Variants in ARHGEF28 observed in about 807,000 individuals in gnomAD.
ARHGEF28 encodes the protein Rho guanine nucleotide exchange factor 28.
A neutral mutation model predicts 206.6 loss-of-function variants in ARHGEF28; 152 were observed. The observed-to-expected ratio is 0.74, with a 90% CI of 0.64 to 0.84. The LOEUF is 0.84. Among genes scored for constraint, ARHGEF28 ranks in the 40% least tolerant of loss-of-function variants. The probability of loss-of-function intolerance (pLI) is 0.00; values close to 1 mark genes in which losing one functional copy is unlikely to be tolerated. For synonymous variants in ARHGEF28, 763 were observed against 776.4 expected, an observed-to-expected ratio of 0.98 and a Z score of 0.29; for missense variants, 2,028 against 2,073.2, an observed-to-expected ratio of 0.98 and a Z score of 0.42.
At chr5:73,708,746 A>G (rs1749081322) in intron 2 of ARHGEF28, among the ~76,000 whole-genome samples, 1 of 152,208 alleles carries the variant, frequency 6.6e-6, no homozygotes, top group South Asian at 2.1e-4. Context: ...TTGCTGGGTC[A>G]AATGGTAGTT....
chr5:73,888,225 T>C (rs1040502740), intron 26 of ARHGEF28, among the ~76,000 whole-genome samples: 1 of 152,238 alleles, frequency 6.6e-6, no homozygotes, highest in Non-Finnish European at 1.5e-5. Context: ...ATGCCTAATG[T>C]TGACAGAAGA....
At chr5:73,795,518 C>T (rs2112487729) in intron 9 of ARHGEF28, 127 bp downstream of exon 9, 1 of 784,716 alleles carries the variant, frequency 1.3e-6, no homozygotes, top group Non-Finnish European at 2.1e-6. Context: ...TCCTGAAACG[C>T]ATCCAGATAA....
At chr5:73,767,272 TG>T (rs1752946987) in intron 4 of ARHGEF28, among the ~76,000 whole-genome samples, 1 of 152,146 alleles carries the variant, frequency 6.6e-6, no homozygotes, top group Admixed American at 6.5e-5. Flanking sequence ...GGGGTGCTGC[TG>T]AACAGATACC....
chr5:73,703,369 A>T (rs1748712710), intron 2 of ARHGEF28, among the ~76,000 whole-genome samples: 1 of 152,086 alleles, frequency 6.6e-6, no homozygotes, highest in South Asian at 2.1e-4. Context: ...GGTATGAAAA[A>T]GTAGGGTAGA....
chr5:73,667,932 A>G (rs993530238), intron 1 of ARHGEF28, among the ~76,000 whole-genome samples: 3 of 152,224 alleles, frequency 2.0e-5, no homozygotes, highest in Admixed American at 6.5e-5. Context: ...AACAAGGATG[A>G]CATTTACTCC....
At chr5:73,910,747 A>G (rs1172129790) in intron 34 of ARHGEF28, among the ~76,000 whole-genome samples, 1 of 152,184 alleles carries the variant, frequency 6.6e-6, no homozygotes, top group Non-Finnish European at 1.5e-5. Flanking sequence ...TTCACTAATA[A>G]GAGTTATTTA....
chr5:73,882,500 A>G lies in ARHGEF28; in HGVS notation c.2843A>G (p.Lys948Arg), dbSNP rs1358429798. Reference sequence around the variant, plus strand: ...TCAGAAGAAAATGCAAGTAAAATGAAGAAAATATATGGAGAATTCTGTTGC... The same window carrying G: ...TCAGAAGAAAATGCAAGTAAAATGAGGAAAATATATGGAGAATTCTGTTGC... ...QFSEENASKM[K>R]KIYGEFCCHH... The change falls in exon 23 of 36, where the codon AAG (lysine) becomes AGG (arginine). Residue 948 changes from lysine (K) to arginine (R), a missense_variant. Lys to Arg is a conservative substitution (Grantham distance 26). Around this residue, in one of 3 missense-constraint regions of ARHGEF28, gnomAD observed 223 missense variants for 289.9 expected, o/e 0.77. Coordinates refer to ENST00000513042, the MANE Select transcript of ARHGEF28 (RefSeq NM_001177693.2). The G allele has an allele frequency of 1.4e-6, 2 of 1,466,642 alleles. No individual in the cohort carries two copies. The highest frequency in any genetic ancestry group is 1.4e-5 in the African/African-American group (1 of 69,636). The allele number at this position is 1,466,642 out of a possible 1,614,324, so 90.9% of individuals were successfully genotyped here.
chr5:73,839,864 G>C (rs1757878317), intron 10 of ARHGEF28, among the ~76,000 whole-genome samples: 1 of 152,130 alleles, frequency 6.6e-6, no homozygotes, highest in African/African-American at 2.4e-5. Context: ...GTGAGACTCA[G>C]CTTTATGTGA....
At chr5:73,865,843 C>T in intron 17 of ARHGEF28, 122 bp from the exon 18 acceptor site, 1 of 771,948 alleles carries the variant, frequency 1.3e-6, no homozygotes, top group Non-Finnish European at 2.1e-6. Context: ...TTGAATTCCT[C>T]TTGGAAATAA....
chr5:73,935,982 G>T (rs1298744568), intron 35 of ARHGEF28, among the ~76,000 whole-genome samples: 1 of 152,166 alleles, frequency 6.6e-6, no homozygotes, highest in African/African-American at 2.4e-5. Flanking sequence ...TGGCCATGGG[G>T]TGCACTGGTG....
chr5:73,868,272 T>A, intron 20 of ARHGEF28, 45 bp downstream of exon 20: 1 of 1,520,326 alleles, frequency 6.6e-7, no homozygotes, highest in South Asian at 1.3e-5. Flanking sequence ...TTTGTTAGCA[T>A]TTGCCAAAAT....
chr5:73,787,686 T>C (rs1360729004), intron 7 of ARHGEF28, among the ~76,000 whole-genome samples: 1 of 152,184 alleles, frequency 6.6e-6, no homozygotes. Context: ...GCTTCATCCA[T>C]GTCCCTGCAA....
chr5:73,783,345 AGTGTGTGTGT>A (rs57320048), intron 7 of ARHGEF28, among the ~76,000 whole-genome samples: 27 of 145,914 alleles, frequency 1.9e-4, no homozygotes, highest in East Asian at 4.1e-4. Context: ...CCTGGAATAT[AGTGTGTGTGT>A]GTGTGTGTGT....
intron 2 of ARHGEF28, 94 bp downstream of exon 2, chr5:73,684,978 T>C: frequency 7.3e-7 from 1 of 1,361,612 alleles, no homozygotes; most frequent in Non-Finnish European, 1.0e-6. Context: ...TTCTTGCTAT[T>C]GAGTTAAGGC....
chr5:73,790,203 T>A (rs1057058369), intron 7 of ARHGEF28, among the ~76,000 whole-genome samples: 4 of 152,036 alleles, frequency 2.6e-5, no homozygotes, highest in African/African-American at 9.7e-5. Context: ...ATAGAAGCCT[T>A]TTTTGGAGAG....
At chr5:73,635,020 T>C (rs1025252008) in intron 1 of ARHGEF28, among the ~76,000 whole-genome samples, 9 of 152,140 alleles carry the variant, frequency 5.9e-5, no homozygotes, top group African/African-American at 2.2e-4. Flanking sequence ...TGTTTGTTCT[T>C]GCAAAGGGCC....
At chr5:73,905,130 C>CCTCCTGTGAGAT in intron 33 of ARHGEF28, 2 of 152,446 alleles carry the variant, frequency 1.3e-5, no homozygotes, top group East Asian at 3.9e-4. Context: ...CTGAACTCCG[C>CCTCCTGTGAGAT]CTCCTGTGAG....
chr5:73,818,043 G>C (rs1183117319), intron 9 of ARHGEF28, among the ~76,000 whole-genome samples: 1 of 152,152 alleles, frequency 6.6e-6, no homozygotes, highest in Non-Finnish European at 1.5e-5. Flanking sequence ...CAGATGCACA[G>C]ACATCTGGAG....
chr5:73,933,847 TA>T (rs970932469), intron 35 of ARHGEF28, among the ~76,000 whole-genome samples: 105 of 150,554 alleles, frequency 7.0e-4, no homozygotes, highest in African/African-American at 2.4e-3. Flanking sequence ...TCATCACATC[TA>T]AAAAAAAATT....
Sources: allele counts gnomAD v4.1 joint callset (sites outside exome capture counted in the v4.1 genomes callset), GRCh38; gene constraint gnomAD v4.1.1; regional missense constraint gnomAD v4.1.1; transcripts MANE v1.5; gene names NCBI Gene and HGNC (gene_info 2026-07-23, HGNC 2026-07-21).